Variants in CNOT8 observed in about 807,000 individuals in gnomAD.
The protein encoded by CNOT8 is CAF1-like protein.
In CNOT8, 18 loss-of-function variants were observed where a neutral mutation model predicts 34.6. That is an observed-to-expected ratio of 0.52 (90% CI 0.36 to 0.77). CNOT8 has a LOEUF of 0.77. Ranked by LOEUF, CNOT8 falls within the 30% of genes least tolerant of loss-of-function variation. CNOT8 has a pLI of 0.00. For missense variants in CNOT8, 189 were observed against 347.9 expected, an observed-to-expected ratio of 0.54 and a Z score of 3.63; for synonymous variants, 101 against 118.8, an observed-to-expected ratio of 0.85 and a Z score of 0.98.
rs1474433168 is a variant in CNOT8 at position 154,863,222 on chromosome 5, G to C, written c.-57G>C. The C allele has an allele frequency of 2.9e-5, 34 of 1,185,090 alleles. No individual in the cohort carries two copies. In the East Asian group the frequency reaches 6.5e-4, roughly 23 times the overall value. The allele number at this position is 1,185,090 out of a possible 1,614,324, so 73.4% of individuals were successfully genotyped here. A position where few individuals can be genotyped will look rare whatever the true frequency, so the allele number is the denominator to read the frequency against. On this transcript the variant is annotated 5_prime_UTR_variant, in exon 2 of 7. Coordinates refer to ENST00000285896, the MANE Select transcript of CNOT8 (RefSeq NM_001301073.2). ...TACAATCTAGATCAGACCAAACATT[G>C]TCTGGCTTGCACTGTAAAACTAGTT...
intron 2 of CNOT8, among the ~76,000 whole-genome samples, chr5:154,864,694 AGTT>A (rs963484015): frequency 6.6e-6 from 1 of 152,124 alleles, no homozygotes; most frequent in African/African-American, 2.4e-5. Context: ...TTTAGGATCA[AGTT>A]GTTGTGCAAA....
chr5:154,869,396 G>A (rs1762236450), intron 3 of CNOT8, among the ~76,000 whole-genome samples: 1 of 150,292 alleles, frequency 6.7e-6, no homozygotes, highest in African/African-American at 2.4e-5. Flanking sequence ...TGGGATTACA[G>A]GCGTGAGCCA....
chr5:154,873,858 T>C (rs914818087), intron 6 of CNOT8, among the ~76,000 whole-genome samples: 1 of 152,222 alleles, frequency 6.6e-6, no homozygotes, highest in Non-Finnish European at 1.5e-5. Context: ...TAGATGATTT[T>C]GGTTGTCACA....
intron 3 of CNOT8, among the ~76,000 whole-genome samples, chr5:154,868,512 C>G (rs1418568794): frequency 2.0e-5 from 3 of 152,146 alleles, no homozygotes; most frequent in African/African-American, 7.2e-5. Context: ...GATCCACCCA[C>G]TCTGGTCTCC....
chr5:154,865,754 T>C (rs1464882607), intron 3 of CNOT8, among the ~76,000 whole-genome samples: 1 of 152,194 alleles, frequency 6.6e-6, no homozygotes, highest in Non-Finnish European at 1.5e-5. Context: ...ATTGGAACCC[T>C]CATACATTGC....
chr5:154,860,126 T>C (rs1761183269), intron 1 of CNOT8, among the ~76,000 whole-genome samples: 1 of 152,228 alleles, frequency 6.6e-6, no homozygotes, highest in African/African-American at 2.4e-5. Flanking sequence ...AGATTACCTT[T>C]AGGGGCTGTG....
rs570279325 is a variant in CNOT8, at chr5:154,871,359, G to A, written c.474-371G>A. Among the ~76,000 whole-genome samples, 3 of 152,108 alleles carry A rather than the reference G, an allele frequency of 2.0e-5. No homozygotes were observed. The South Asian group carries it at 6.2e-4, about 32-fold the overall frequency. On this transcript the variant is annotated intron_variant, in intron 4 of 6. Transcript: ENST00000285896. ...GGATCACCTGAGGTCAGGAGTTCGA[G>A]ACCAGCCTGGCCACCATGGCAAAAC...
Position 154,863,210 on chromosome 5 carries a change from A to G in CNOT8, c.-69A>G, listed in dbSNP as rs972289573. On this transcript the variant is annotated 5_prime_UTR_variant, in exon 2 of 7. Coordinates refer to ENST00000285896, the MANE Select transcript of CNOT8 (RefSeq NM_001301073.2). ...TTTAAAATGTTTTACAATCTAGATC[A>G]GACCAAACATTGTCTGGCTTGCACT... The G allele has an allele frequency of 3.9e-6, 4 of 1,038,466 alleles. No individual in the cohort carries two copies. In the Admixed American group the frequency reaches 6.8e-5, roughly 18 times the overall value. 64.3% of individuals were successfully genotyped at this position (1,038,466 alleles called of 1,614,324 possible).
Position 154,875,857 on chromosome 5 carries a change from G to C in CNOT8, c.*418G>C, listed in dbSNP as rs1343232113. ...GATTCTTACTCTGATTCTCAGCTGA[G>C]CTGTGAGGGCTTCCAGGGAAAATGG... On this transcript the variant is annotated 3_prime_UTR_variant, in exon 7 of 7. Transcript: ENST00000285896. The C allele has an allele frequency of 6.3e-6, 1 of 159,878 alleles. No individual in the cohort carries two copies. Among genetic ancestry groups the C allele is most frequent in the Non-Finnish European group, 1.4e-5 (1 of 72,588 alleles). 9.9% of individuals were successfully genotyped at this position (159,878 alleles called of 1,614,324 possible). A position where few individuals can be genotyped will look rare whatever the true frequency, so the allele number is the denominator to read the frequency against.
At chr5:154,869,817 G>T (rs1762293503) in intron 3 of CNOT8, among the ~76,000 whole-genome samples, 1 of 151,922 alleles carries the variant, frequency 6.6e-6, no homozygotes, top group African/African-American at 2.4e-5. Flanking sequence ...TAGAGAGAGG[G>T]TTTCACCACG....
chr5:154,865,575 T>A (rs966754664), intron 3 of CNOT8, among the ~76,000 whole-genome samples, 190 bp downstream of exon 3: 9 of 152,138 alleles, frequency 5.9e-5, no homozygotes, highest in African/African-American at 2.2e-4. Context: ...AAAGATAGAC[T>A]TTTCTTGAAA....
intron 2 of CNOT8, among the ~76,000 whole-genome samples, chr5:154,864,892 T>C (rs1375178458): frequency 6.6e-6 from 1 of 152,100 alleles, no homozygotes; most frequent in Admixed American, 6.6e-5. Context: ...AATACAATAA[T>C]TAACTGGGTG....
chr5:154,864,182 CG>C (rs770039527), intron 2 of CNOT8, among the ~76,000 whole-genome samples: 1 of 152,260 alleles, frequency 6.6e-6, no homozygotes, highest in East Asian at 1.9e-4. Context: ...TAGAGTTGGC[CG>C]GGCGCGGTGG....
At chr5:154,865,101 A>G (rs1761743556) in intron 2 of CNOT8, 91 bp from the exon 3 acceptor site, 6 of 1,124,244 alleles carry the variant, frequency 5.3e-6, no homozygotes, top group Non-Finnish European at 7.6e-6. Context: ...CATAACTTTT[A>G]TAAATGGAGG....
Position 154,870,648 on chromosome 5 carries a change from C to T in CNOT8, c.312-13C>T. On this transcript the variant is annotated splice_polypyrimidine_tract_variant and intron_variant, in intron 3 of 6. Coordinates refer to ENST00000285896, the MANE Select transcript of CNOT8 (RefSeq NM_001301073.2). ...TTATTCACCAGTTAATAAATAAACA[C>T]CTTGTTTTTTAGAGAGGACATGTAC... 3.7e-6 allele frequency: 6 copies of T among 1,605,148 alleles called. No homozygotes were observed. The highest frequency in any genetic ancestry group is 5.1e-6 in the Non-Finnish European group (6 of 1,175,140).
intron 4 of CNOT8, among the ~76,000 whole-genome samples, chr5:154,871,367 T>C (rs1422841328): frequency 1.3e-5 from 2 of 152,058 alleles, no homozygotes; most frequent in East Asian, 3.9e-4. Context: ...GAGACCAGCC[T>C]GGCCACCATG....
chr5:154,869,006 A>G (rs1179085656), intron 3 of CNOT8, among the ~76,000 whole-genome samples: 1 of 152,148 alleles, frequency 6.6e-6, no homozygotes, highest in Non-Finnish European at 1.5e-5. Context: ...CCTGAGACTC[A>G]CTGGCCATGG....
rs1189690696 is a variant in CNOT8 at position 154,876,744 on chromosome 5, T to C, written c.*1305T>C. The C allele has an allele frequency of 1.3e-5, 2 of 152,668 alleles. No individual in the cohort carries two copies. Among genetic ancestry groups the C allele is most frequent in the African/African-American group, 4.8e-5 (2 of 41,466 alleles). The allele number at this position is 152,668 out of a possible 1,614,324, so 9.5% of individuals were successfully genotyped here. On this transcript the variant is annotated 3_prime_UTR_variant, in exon 7 of 7. Coordinates refer to ENST00000285896, the MANE Select transcript of CNOT8 (RefSeq NM_001301073.2). Reference sequence around the variant, plus strand: ...GTATTTAAGATGCTTGTAAATACTATTTATGTTTTTAATTTTGTAAAATAA... The same window carrying C: ...GTATTTAAGATGCTTGTAAATACTACTTATGTTTTTAATTTTGTAAAATAA...
At chr5:154,875,039 C>G (rs1762819274) in intron 6 of CNOT8, among the ~76,000 whole-genome samples, 1 of 152,022 alleles carries the variant, frequency 6.6e-6, no homozygotes, top group South Asian at 2.1e-4. Flanking sequence ...GCCTCAGCCT[C>G]CCAAGTAGCT....
Sources: gnomAD v4.1 joint callset for allele counts (sites outside exome capture counted in the v4.1 genomes callset) on GRCh38, gnomAD v4.1.1 for gene constraint, MANE v1.5 for transcripts, NCBI Gene and HGNC (gene_info 2026-07-23, HGNC 2026-07-21) for gene names.